The following ROBO2 variants were observed in gnomAD, a reference collection of about 807,000 sequenced individuals.
ROBO2 encodes roundabout guidance receptor 2.
Under a neutral mutation model 160.8 loss-of-function variants are expected in ROBO2, and 53 were observed. The ratio of observed to expected loss-of-function variants is 0.33; its 90% CI spans 0.26 to 0.41. The LOEUF (loss-of-function observed/expected upper bound fraction) is 0.41. Ranked by LOEUF, ROBO2 falls within the 10% of genes least tolerant of loss-of-function variation. ROBO2 has a pLI of 1.00. For missense variants in ROBO2, 1,577 were observed against 1,722.4 expected (o/e 0.92, Z 1.49); for synonymous variants, 664 against 611.7 (o/e 1.09, Z -1.26).
intron 2 of ROBO2, among the ~76,000 whole-genome samples, chr3:77,176,362 C>T (rs1238996222): frequency 1.3e-5 from 2 of 151,930 alleles, no homozygotes; most frequent in Non-Finnish European, 2.9e-5. Flanking sequence ...TTTTCCCTTT[C>T]GGTGCATTCA....
rs549711224 is a variant in ROBO2 at position 77,449,750 on chromosome 3, T to A, written c.389-27664T>A. Among the ~76,000 whole-genome samples, 3 of 152,196 alleles carry A rather than the reference T, an allele frequency of 2.0e-5. No homozygotes were observed. In the South Asian group the frequency reaches 6.2e-4, roughly 32 times the overall value. ...GCTTAGCTAGCAAAATCTGAGTTTA[T>A]TTATATAAAATTATTCAAGTGAAAA... On this transcript the variant is annotated intron_variant, in intron 2 of 25. Transcript: ENST00000461745.
At chr3:76,921,055 C>G (rs1163009371) in intron 2 of ROBO2, among the ~76,000 whole-genome samples, 1 of 152,132 alleles carries the variant, frequency 6.6e-6, no homozygotes, top group Non-Finnish European at 1.5e-5. Flanking sequence ...TTATTTCAAG[C>G]TACAGTAATA....
At chr3:77,577,053 G>C (rs929301754) in intron 14 of ROBO2, among the ~76,000 whole-genome samples, 2 of 152,058 alleles carry the variant, frequency 1.3e-5, no homozygotes, top group Non-Finnish European at 2.9e-5. Context: ...CAGTCTATTA[G>C]AGTAGAGTTC....
At chr3:77,475,842 C>A (rs2153583761) in intron 2 of ROBO2, among the ~76,000 whole-genome samples, 1 of 152,294 alleles carries the variant, frequency 6.6e-6, no homozygotes, top group East Asian at 1.9e-4. Context: ...CACTCAGAAG[C>A]AAATCCTCAT....
At chr3:77,005,048 AAACAG>A (rs74740387) in intron 2 of ROBO2, among the ~76,000 whole-genome samples, 1 of 123,802 alleles carries the variant, frequency 8.1e-6, no homozygotes. Context: ...GCCTAAAACA[AAACAG>A]AACAGAACAA....
chr3:77,274,700 T>C (rs1259936925), intron 2 of ROBO2, among the ~76,000 whole-genome samples: 1 of 152,062 alleles, frequency 6.6e-6, no homozygotes, highest in Non-Finnish European at 1.5e-5. Flanking sequence ...AAAATATATA[T>C]GGGAAAACAT....
At chr3:76,089,428 A>G (rs1278423189) in intron 2 of ROBO2, among the ~76,000 whole-genome samples, 1 of 152,116 alleles carries the variant, frequency 6.6e-6, no homozygotes, top group Non-Finnish European at 1.5e-5. Context: ...CTGCAGTAAT[A>G]CTCAACAAAA....
At chr3:77,358,981 G>T (rs2069532732) in intron 2 of ROBO2, among the ~76,000 whole-genome samples, 1 of 152,260 alleles carries the variant, frequency 6.6e-6, no homozygotes, top group East Asian at 1.9e-4. Context: ...TGTTCTGTTT[G>T]GTTTTGCTTT....
At chr3:76,404,774 G>A (rs2078034797) in intron 2 of ROBO2, among the ~76,000 whole-genome samples, 2 of 151,510 alleles carry the variant, frequency 1.3e-5, no homozygotes, top group African/African-American at 4.8e-5. Flanking sequence ...AAGAATCCAA[G>A]ACAGTGCTAA....
At chr3:77,109,635 A>G (rs2073308209) in intron 2 of ROBO2, among the ~76,000 whole-genome samples, 1 of 152,216 alleles carries the variant, frequency 6.6e-6, no homozygotes, top group Non-Finnish European at 1.5e-5. Flanking sequence ...GGGGCTTGCT[A>G]AGGGCCAGGC....
chr3:76,011,614 A>G (rs1576470597), intron 2 of ROBO2, among the ~76,000 whole-genome samples: 1 of 152,322 alleles, frequency 6.6e-6, no homozygotes, highest in South Asian at 2.1e-4. Flanking sequence ...TGGACACAGA[A>G]AAGATAAAAG....
At chr3:77,442,915 G>GTGCACATCAT (rs1407939313) in intron 2 of ROBO2, among the ~76,000 whole-genome samples, 2 of 152,226 alleles carry the variant, frequency 1.3e-5, no homozygotes, top group East Asian at 3.8e-4. Context: ...TGCTCAGAAA[G>GTGCACATCAT]AGTGGACTCC....
chr3:76,957,298 C>T (rs767607475), intron 2 of ROBO2, among the ~76,000 whole-genome samples: 1 of 151,980 alleles, frequency 6.6e-6, no homozygotes, highest in Non-Finnish European at 1.5e-5. Flanking sequence ...TATTCTTTTT[C>T]TGTGACTGTC....
chr3:77,605,669 G>A (rs2094513777), intron 20 of ROBO2, among the ~76,000 whole-genome samples: 1 of 152,156 alleles, frequency 6.6e-6, no homozygotes, highest in East Asian at 1.9e-4. Context: ...GGCTCTGGAA[G>A]TAGTAATTTC....
intron 2 of ROBO2, among the ~76,000 whole-genome samples, chr3:77,299,801 A>G (rs1220610843): frequency 1.3e-5 from 2 of 152,112 alleles, no homozygotes; most frequent in Non-Finnish European, 2.9e-5. Flanking sequence ...AATAATACAG[A>G]TTACAACAGA....
At position 77,020,675 on chromosome 3, in the gene ROBO2, T is replaced by A. The variant is rs2149503961; in HGVS notation, c.110-77339T>A. Among the ~76,000 whole-genome samples, 3 of 152,242 alleles carry A rather than the reference T, an allele frequency of 2.0e-5. No homozygotes were observed. The Middle Eastern group carries it at 0.01, about 518-fold the overall frequency. On this transcript the variant is annotated intron_variant, in intron 2 of 26. Coordinates refer to the ROBO2 transcript ENST00000487694. ...AATTGCATTTACCAGTTTAATAACA[T>A]TAGAAAGCTTTATTTTTCAGCATTA...
intron 2 of ROBO2, among the ~76,000 whole-genome samples, chr3:76,220,873 C>T (rs1021305382): frequency 1.3e-5 from 2 of 152,178 alleles, no homozygotes; most frequent in African/African-American, 4.8e-5. Context: ...TCCTCTACCA[C>T]CCATTCTGTA....
At chr3:77,041,588 G>A (rs2064105843) in intron 1 of ROBO2, among the ~76,000 whole-genome samples, 3 of 152,112 alleles carry the variant, frequency 2.0e-5, no homozygotes, top group Admixed American at 6.5e-5. Context: ...TTCCGATTTG[G>A]TTTACTGGGA....
At chr3:77,357,342 A>G (rs890982274) in intron 2 of ROBO2, among the ~76,000 whole-genome samples, 1 of 152,064 alleles carries the variant, frequency 6.6e-6, no homozygotes, top group Non-Finnish European at 1.5e-5. Context: ...TAAGTTCCTG[A>G]TGAAAGGATG....
Sources: gnomAD v4.1 joint callset for allele counts (sites outside exome capture counted in the v4.1 genomes callset) on GRCh38, gnomAD v4.1.1 for gene constraint, MANE v1.5 for transcripts, NCBI Gene and HGNC (gene_info 2026-07-23, HGNC 2026-07-21) for gene names.